NELL2: variants seen among roughly 807,000 people sequenced by gnomAD.
NELL2 encodes the protein neural EGFL like 2.
A neutral mutation model predicts 109.6 loss-of-function variants in NELL2; 41 were observed. That is an observed-to-expected ratio of 0.37 (90% CI 0.29 to 0.49). The LOEUF (loss-of-function observed/expected upper bound fraction) is 0.49. NELL2 is among the 20% of genes least tolerant of loss of function. NELL2 has a pLI of 0.98. For synonymous variants in NELL2, 355 were observed against 344.7 expected (o/e 1.03, Z -0.33); for missense variants, 900 against 1,008.3 (o/e 0.89, Z 1.45).
intron 15 of NELL2, among the ~76,000 whole-genome samples, chr12:44,554,520 C>A (rs1943164791): frequency 6.6e-6 from 1 of 152,038 alleles, no homozygotes; most frequent in Non-Finnish European, 1.5e-5. Flanking sequence ...GATATGTTCG[C>A]TAGTTTGATT....
chr12:44,876,708 C>G (rs1945338184), upstream of NELL2: 1 of 1,548,810 alleles, frequency 6.5e-7, no homozygotes, highest in South Asian at 1.2e-5. Flanking sequence ...GCCCTTTAAG[C>G]AAAGGAGGGA....
At chr12:44,877,935 A>G (rs1422066684), upstream of NELL2, among the ~76,000 whole-genome samples, 1 of 152,264 alleles carries the variant, frequency 6.6e-6, no homozygotes, top group Non-Finnish European at 1.5e-5. Flanking sequence ...ATCATCAGAG[A>G]ATTAAAGACC....
chr12:44,635,270 G>T (rs1946595407), intron 13 of NELL2, among the ~76,000 whole-genome samples: 1 of 152,132 alleles, frequency 6.6e-6, no homozygotes, highest in Admixed American at 6.5e-5. Flanking sequence ...TTGCTGTGCA[G>T]AAGCTCTTTA....
At chr12:44,852,219 A>C (rs1246817045) in intron 2 of NELL2, among the ~76,000 whole-genome samples, 2 of 152,228 alleles carry the variant, frequency 1.3e-5, no homozygotes, top group East Asian at 3.8e-4. Flanking sequence ...TATCTAAAGA[A>C]TGTATTTCTA....
chr12:44,909,213 A>G (rs1945752572), intron 1 of NELL2, among the ~76,000 whole-genome samples: 1 of 151,994 alleles, frequency 6.6e-6, no homozygotes, highest in South Asian at 2.1e-4. Flanking sequence ...ACTGAAACTG[A>G]TAAATAACTT....
chr12:44,554,398 T>C (rs1224582348), intron 15 of NELL2, among the ~76,000 whole-genome samples: 1 of 152,074 alleles, frequency 6.6e-6, no homozygotes, highest in East Asian at 1.9e-4. Context: ...TGCTAGGAAA[T>C]GCAAAGTAAC....
At chr12:44,512,005 T>C (rs1249732935) in intron 19 of NELL2, among the ~76,000 whole-genome samples, 2 of 152,058 alleles carry the variant, frequency 1.3e-5, no homozygotes, top group African/African-American at 2.4e-5. Flanking sequence ...ACTAAAAAGC[T>C]TCTGCACAGC....
At chr12:44,556,002 G>A (rs367942110) in intron 15 of NELL2, among the ~76,000 whole-genome samples, 1 of 152,136 alleles carries the variant, frequency 6.6e-6, no homozygotes, top group South Asian at 2.1e-4. Flanking sequence ...GAGCACAGCA[G>A]TTAGAAAGCA....
At chr12:44,777,426 G>C (rs554952129) in intron 5 of NELL2, 112 bp from the exon 6 acceptor site, 3 of 814,206 alleles carry the variant, frequency 3.7e-6, no homozygotes, top group South Asian at 3.1e-5. Context: ...TAAAATCCCT[G>C]AGTAAAAAGT....
At chr12:44,763,164 T>A (rs1204202132) in intron 9 of NELL2, among the ~76,000 whole-genome samples, 1 of 152,154 alleles carries the variant, frequency 6.6e-6, no homozygotes, top group Non-Finnish European at 1.5e-5. Flanking sequence ...AGTGAACAAG[T>A]ACAATGTGCA....
intron 3 of NELL2, among the ~76,000 whole-genome samples, chr12:44,814,486 C>T (rs1943273872): frequency 6.6e-6 from 1 of 152,184 alleles, no homozygotes; most frequent in Admixed American, 6.5e-5. Context: ...CACTGGATCT[C>T]AACCACATGA....
At chr12:44,711,712 T>C (rs754244599) in intron 10 of NELL2, among the ~76,000 whole-genome samples, 22 of 152,066 alleles carry the variant, frequency 1.4e-4, no homozygotes, top group Admixed American at 5.2e-4. Flanking sequence ...CAGATGACAA[T>C]TGTGGCAAAG....
At chr12:44,900,226 A>T (rs994921295) in intron 1 of NELL2, among the ~76,000 whole-genome samples, 3 of 152,170 alleles carry the variant, frequency 2.0e-5, no homozygotes, top group Non-Finnish European at 4.4e-5. Context: ...TCACAAGCAT[A>T]TTCAGGACTT....
At chr12:44,699,647 C>T (rs768483849) in intron 12 of NELL2, among the ~76,000 whole-genome samples, 28 of 152,198 alleles carry the variant, frequency 1.8e-4, no homozygotes, top group Middle Eastern at 3.4e-3. Context: ...CAATGTACTC[C>T]AAACTGGCTT....
intron 15 of NELL2, among the ~76,000 whole-genome samples, chr12:44,578,294 T>C (rs563034323): frequency 6.6e-6 from 1 of 152,132 alleles, no homozygotes; most frequent in South Asian, 2.1e-4. Context: ...ATGTTAAATA[T>C]ATACAAACAA....
At chr12:44,877,622 T>C (rs1299425733), upstream of NELL2, among the ~76,000 whole-genome samples, 2 of 152,178 alleles carry the variant, frequency 1.3e-5, no homozygotes, top group Non-Finnish European at 2.9e-5. Flanking sequence ...TCTATAGATA[T>C]ATAGTTATAG....
chr12:44,883,572 G>A (rs775358556), intron 1 of NELL2, among the ~76,000 whole-genome samples: 2 of 151,950 alleles, frequency 1.3e-5, no homozygotes, highest in Non-Finnish European at 2.9e-5. Flanking sequence ...ACATCTTTGG[G>A]ACTCCATTCT....
chr12:44,791,582 T>C (rs1942435347), intron 3 of NELL2, among the ~76,000 whole-genome samples: 2 of 151,752 alleles, frequency 1.3e-5, no homozygotes. Flanking sequence ...TAATTTGGCA[T>C]ATATTTGGAA....
chr12:44,583,225 G>GT (rs1285577529), intron 15 of NELL2, among the ~76,000 whole-genome samples: 1 of 152,218 alleles, frequency 6.6e-6, no homozygotes, highest in Non-Finnish European at 1.5e-5. Flanking sequence ...ATGAATGAAA[G>GT]TTGACAAGGA....
Sources: allele counts gnomAD v4.1 joint callset (sites outside exome capture counted in the v4.1 genomes callset), GRCh38; gene constraint gnomAD v4.1.1; transcripts MANE v1.5; gene names NCBI Gene and HGNC (gene_info 2026-07-23, HGNC 2026-07-21).